The following XKR6 variants were observed in gnomAD, a reference collection of about 807,000 sequenced individuals.
XKR6 encodes the protein XK related 6.
XKR6 carries 22 observed loss-of-function variants against 56.7 expected under a neutral mutation model. That is an observed-to-expected ratio of 0.39 (90% confidence interval 0.28 to 0.55). The LOEUF is 0.55. Among genes scored for constraint, XKR6 ranks in the 20% least tolerant of loss-of-function variants. XKR6 has a pLI of 0.66. For synonymous variants in XKR6, 524 were observed against 387.8 expected (o/e 1.35, Z -4.13); for missense variants, 852 against 889.0 (o/e 0.96, Z 0.53).
At chr8:11,116,212 G>A (rs1235197964) in intron 1 of XKR6, among the ~76,000 whole-genome samples, 2 of 152,176 alleles carry the variant, frequency 1.3e-5, no homozygotes, top group African/African-American at 4.8e-5. Flanking sequence ...GGAGGGCACT[G>A]TTCTTTTCAG....
At chr8:10,959,552 G>A (rs1286213700) in intron 1 of XKR6, among the ~76,000 whole-genome samples, 1 of 152,158 alleles carries the variant, frequency 6.6e-6, no homozygotes, top group African/African-American at 2.4e-5. Flanking sequence ...CCTTCTTGCT[G>A]TGTCCTCACG....
At chr8:11,059,895 G>C (rs928743542) in intron 1 of XKR6, among the ~76,000 whole-genome samples, 3 of 152,206 alleles carry the variant, frequency 2.0e-5, no homozygotes, top group Admixed American at 6.5e-5. Context: ...CGCTCCTGCA[G>C]TGTCCCTGAA....
chr8:11,173,366 T>TATATAC (rs1554478604), intron 1 of XKR6, among the ~76,000 whole-genome samples: 89 of 143,974 alleles, frequency 6.2e-4, no homozygotes, highest in South Asian at 3.9e-3. Flanking sequence ...TATATATATA[T>TATATAC]ACACACACAC....
intron 1 of XKR6, chr8:11,194,530 C>A (rs1278379555): frequency 1.3e-5 from 2 of 152,152 alleles, no homozygotes; most frequent in Non-Finnish European, 2.9e-5. Flanking sequence ...TGAGAAGAAA[C>A]TAGATGAATA....
At chr8:11,057,302 C>G (rs1799710371) in intron 1 of XKR6, among the ~76,000 whole-genome samples, 1 of 152,122 alleles carries the variant, frequency 6.6e-6, no homozygotes, top group African/African-American at 2.4e-5. Flanking sequence ...TTCTGGTATT[C>G]TCTGTCTCCC....
chr8:11,035,549 G>C (rs1209713998), intron 1 of XKR6, among the ~76,000 whole-genome samples: 3 of 152,244 alleles, frequency 2.0e-5, no homozygotes, highest in African/African-American at 7.2e-5. Context: ...CTAAGAGCAA[G>C]TTCTGCTCTG....
chr8:11,060,235 T>G (rs902217105), intron 1 of XKR6, among the ~76,000 whole-genome samples: 1 of 152,126 alleles, frequency 6.6e-6, no homozygotes, highest in African/African-American at 2.4e-5. Context: ...GGACAGTGAC[T>G]AATAGCCAGA....
At chr8:11,193,817 C>T (rs537773237) in intron 1 of XKR6, among the ~76,000 whole-genome samples, 60 of 141,450 alleles carry the variant, frequency 4.2e-4, no homozygotes, top group Admixed American at 1.5e-3. Context: ...TAAACAGATA[C>T]GCATATATTG....
chr8:10,899,975 C>T (rs1480005798), intron 2 of XKR6, among the ~76,000 whole-genome samples: 1 of 152,200 alleles, frequency 6.6e-6, no homozygotes, highest in Non-Finnish European at 1.5e-5. Flanking sequence ...GTCATACAAT[C>T]TCCGTTTAAG....
chr8:11,143,485 A>G (rs1182634264), intron 1 of XKR6, among the ~76,000 whole-genome samples: 1 of 152,274 alleles, frequency 6.6e-6, no homozygotes, highest in Admixed American at 6.5e-5. Context: ...TTACACCAGC[A>G]GAGCGCAGAC....
intron 1 of XKR6, chr8:11,063,045 C>T (rs1263906555): frequency 2.9e-6 from 1 of 350,140 alleles, no homozygotes. Flanking sequence ...CATTTGGACT[C>T]CTATATGGAC....
At chr8:10,986,967 C>CTCTT (rs1241196693) in intron 1 of XKR6, among the ~76,000 whole-genome samples, 6 of 151,336 alleles carry the variant, frequency 4.0e-5, no homozygotes, top group African/African-American at 1.5e-4. Flanking sequence ...AAATAGTTTT[C>CTCTT]TCTTAGAGAT....
At chr8:11,100,442 G>C (rs1017733448) in intron 1 of XKR6, among the ~76,000 whole-genome samples, 2 of 152,216 alleles carry the variant, frequency 1.3e-5, no homozygotes, top group African/African-American at 2.4e-5. Context: ...TTAAGACTTT[G>C]TGTTCCACTC....
At chr8:11,136,950 A>G (rs1327536777) in intron 1 of XKR6, 1 of 152,270 alleles carries the variant, frequency 6.6e-6, no homozygotes, top group Non-Finnish European at 1.5e-5. Context: ...GACCCACCAC[A>G]TGAATTCTTT....
chr8:11,020,275 C>T (rs1798720512), intron 1 of XKR6, among the ~76,000 whole-genome samples: 1 of 152,166 alleles, frequency 6.6e-6, no homozygotes. Flanking sequence ...AAGCCGACAC[C>T]GTCTGTGCAT....
intron 1 of XKR6, among the ~76,000 whole-genome samples, chr8:11,191,858 T>C (rs1448263832): frequency 1.3e-5 from 2 of 152,088 alleles, no homozygotes; most frequent in Non-Finnish European, 2.9e-5. Flanking sequence ...TATTAGATGA[T>C]TTTACGAATT....
At chr8:11,033,567 G>C (rs1211676949) in intron 1 of XKR6, among the ~76,000 whole-genome samples, 1 of 152,130 alleles carries the variant, frequency 6.6e-6, no homozygotes, top group Non-Finnish European at 1.5e-5. Flanking sequence ...TGATGATTAT[G>C]GTGATGGTGA....
intron 1 of XKR6, among the ~76,000 whole-genome samples, chr8:11,166,733 A>C (rs975098799): frequency 2.6e-4 from 39 of 151,722 alleles, no homozygotes; most frequent in South Asian, 1.3e-3. Context: ...CCACCACACC[A>C]AGCTAATTTT....
intron 1 of XKR6, among the ~76,000 whole-genome samples, chr8:11,136,558 T>C (rs544297197): frequency 6.6e-6 from 1 of 150,882 alleles, no homozygotes; most frequent in East Asian, 2.0e-4. Flanking sequence ...ATTGTGATGG[T>C]ACTTACAGGT....
Sources: gnomAD v4.1 joint callset for allele counts (sites outside exome capture counted in the v4.1 genomes callset) on GRCh38, gnomAD v4.1.1 for gene constraint, MANE v1.5 for transcripts, NCBI Gene and HGNC (gene_info 2026-07-23, HGNC 2026-07-21) for gene names.